TNKS: variants seen among roughly 807,000 people sequenced by gnomAD.
TNKS encodes poly [ADP-ribose] polymerase tankyrase-1.
Under a neutral mutation model 135.8 loss-of-function variants are expected in TNKS, and 72 were observed. That is an observed-to-expected ratio of 0.53 (90% confidence interval 0.44 to 0.64). TNKS has a LOEUF of 0.64. Among genes scored for constraint, TNKS ranks in the 30% least tolerant of loss-of-function variants. TNKS has a pLI of 0.00. For synonymous variants in TNKS, 849 were observed against 649.3 expected (o/e 1.31, Z -4.68); for missense variants, 1,769 against 1,674.0 (o/e 1.06, Z -0.99).
At chr8:9,616,840 T>C (rs1315536987) in intron 3 of TNKS, among the ~76,000 whole-genome samples, 11 of 151,820 alleles carry the variant, frequency 7.2e-5, no homozygotes, top group African/African-American at 2.7e-4. Context: ...AAATATATAA[T>C]TTTAAGTAGT....
intron 2 of TNKS, among the ~76,000 whole-genome samples, chr8:9,609,008 A>T (rs1799341518): frequency 6.6e-6 from 1 of 151,886 alleles, no homozygotes; most frequent in East Asian, 1.9e-4. Context: ...TTTATTTAAA[A>T]TTTTTTCGTT....
At position 9,555,972 on chromosome 8, in the gene TNKS, C is replaced by A; in HGVS notation, c.33C>A (p.His11Gln). 6.2e-7 allele frequency: 1 copy of A among 1,613,484 alleles called. No individual in the cohort carries two copies. Residue 11 changes from histidine to glutamine, a missense_variant, in exon 1 of 27, where the codon CAC becomes CAA. By Grantham distance (24) the His-to-Gln change is conservative. Around this residue, in one of 5 missense-constraint regions of TNKS, gnomAD observed 450 missense variants for 304.9 expected, o/e 1.48. Coordinates refer to ENST00000310430, the MANE Select transcript of TNKS (RefSeq NM_003747.3). ...CGTCGCGTCGCTCTCAGCATCATCA[C>A]CACCATCATCAACAACAGCTCCAGC... is the stretch of plus-strand genomic sequence containing the variant. The part of the protein sequence containing the change: MAASRRSQHH[H>Q]HHHQQQLQPA...
chr8:9,604,546 A>C (rs1279800437), intron 2 of TNKS, among the ~76,000 whole-genome samples: 1 of 151,956 alleles, frequency 6.6e-6, no homozygotes, highest in East Asian at 1.9e-4. Flanking sequence ...TCTTCAGTGT[A>C]GTTTATGTAC....
chr8:9,623,127 A>G (rs1351968194), intron 3 of TNKS, among the ~76,000 whole-genome samples: 1 of 152,212 alleles, frequency 6.6e-6, no homozygotes, highest in Non-Finnish European at 1.5e-5. Flanking sequence ...ACCGGGGGTA[A>G]CTGAAACCAC....
intron 1 of TNKS, among the ~76,000 whole-genome samples, chr8:9,573,967 G>C (rs1459139454): frequency 6.6e-6 from 1 of 152,106 alleles, no homozygotes; most frequent in East Asian, 1.9e-4. Context: ...TTACAATGCT[G>C]AACATAAGTG....
intron 20 of TNKS, among the ~76,000 whole-genome samples, chr8:9,755,033 CAT>C (rs1806760681): frequency 6.6e-6 from 1 of 152,188 alleles, no homozygotes; most frequent in Admixed American, 6.5e-5. Flanking sequence ...ATTTCAAACA[CAT>C]CTTTGCTAAA....
intron 20 of TNKS, among the ~76,000 whole-genome samples, chr8:9,758,311 C>T (rs1171828509): frequency 6.6e-6 from 1 of 151,978 alleles, no homozygotes; most frequent in Non-Finnish European, 1.5e-5. Context: ...GAAAGTTGTC[C>T]CATTCCCTTT....
Position 9,728,926 on chromosome 8 carries a change from A to G in TNKS, c.2002-1964A>G, listed in dbSNP as rs573559694. Among the ~76,000 whole-genome samples the G allele has an allele frequency of 1.4e-4, 22 of 152,208 alleles. No individual in the cohort carries two copies. In the South Asian group the frequency reaches 1.7e-3, roughly 11 times the overall value. On this transcript the variant is annotated intron_variant, in intron 13 of 26. Coordinates refer to ENST00000310430, the MANE Select transcript of TNKS (RefSeq NM_003747.3). The stretch of plus-strand genomic sequence containing the variant: ...GTGTGAAAGCTTCTTGTCTTAGTCT[A>G]TTTGTGCTGCTATAAAAAAATACCA...
chr8:9,677,246 T>C (rs759627842), intron 3 of TNKS, among the ~76,000 whole-genome samples: 11 of 152,226 alleles, frequency 7.2e-5, no homozygotes, highest in Admixed American at 1.3e-4. Context: ...AGAAAGTCAT[T>C]TGTAATACCT....
chr8:9,727,260 C>G (rs975641597), intron 13 of TNKS, among the ~76,000 whole-genome samples: 2 of 152,102 alleles, frequency 1.3e-5, no homozygotes, highest in Non-Finnish European at 2.9e-5. Context: ...AAAATTTTAT[C>G]AGTCTGTATT....
intron 2 of TNKS, among the ~76,000 whole-genome samples, chr8:9,595,338 A>G (rs945429096): frequency 6.6e-6 from 1 of 152,104 alleles, no homozygotes; most frequent in South Asian, 2.1e-4. Flanking sequence ...ACAAAATTCC[A>G]TACTTGTATC....
At chr8:9,723,749 C>T (rs1023684498) in intron 12 of TNKS, among the ~76,000 whole-genome samples, 23 of 152,348 alleles carry the variant, frequency 1.5e-4, no homozygotes, top group African/African-American at 4.8e-4. Context: ...TCCGTAGTCA[C>T]ACGTGGCTAA....
At position 9,615,910 on chromosome 8, in the gene TNKS, T is replaced by G. The variant is rs1012759956; in HGVS notation, c.994+233T>G. ...AGAATGATAGCATTAAATCATAACA[T>G]CTTTCACTCGTATTTTAGTCATTTT... On this transcript the variant is annotated intron_variant, in intron 3 of 26. Coordinates refer to ENST00000310430, the MANE Select transcript of TNKS (RefSeq NM_003747.3). Among the ~76,000 whole-genome samples the G allele has an allele frequency of 5.1e-4, 77 of 152,322 alleles. 2 individuals carry two copies. The highest frequency in any genetic ancestry group is 4.7e-3 in the Admixed American group (72 of 15,290).
chr8:9,582,528 C>A (rs1383346516), intron 2 of TNKS, among the ~76,000 whole-genome samples: 1 of 152,208 alleles, frequency 6.6e-6, no homozygotes. Context: ...TTACCACCAG[C>A]TTACAGGAGA....
intron 3 of TNKS, among the ~76,000 whole-genome samples, chr8:9,638,868 C>G (rs1800619804): frequency 6.6e-6 from 1 of 152,102 alleles, no homozygotes; most frequent in African/African-American, 2.4e-5. Context: ...GAGTGTATAT[C>G]TATTTTTCAA....
At chr8:9,660,854 A>G (rs561755188) in intron 3 of TNKS, among the ~76,000 whole-genome samples, 1 of 152,248 alleles carries the variant, frequency 6.6e-6, no homozygotes, top group East Asian at 1.9e-4. Context: ...TTTCAGCCCA[A>G]AATCTCCTTA....
chr8:9,631,681 T>A (rs999842313), intron 3 of TNKS, among the ~76,000 whole-genome samples: 2 of 152,180 alleles, frequency 1.3e-5, no homozygotes, highest in African/African-American at 4.8e-5. Flanking sequence ...TTCCAACTCT[T>A]TTTTTGACTT....
At chr8:9,764,833 T>G in intron 23 of TNKS, 43 bp downstream of exon 23, 1 of 1,512,902 alleles carries the variant, frequency 6.6e-7, no homozygotes, top group South Asian at 1.3e-5. Flanking sequence ...ATTGCAAGGC[T>G]TGCCTAAAAA....
intron 2 of TNKS, among the ~76,000 whole-genome samples, chr8:9,592,972 G>A (rs971724264): frequency 6.6e-6 from 1 of 152,120 alleles, no homozygotes; most frequent in Admixed American, 6.6e-5. Flanking sequence ...TCTTCATTAG[G>A]ATGGGCAGTT....
Sources: allele counts gnomAD v4.1 joint callset (sites outside exome capture counted in the v4.1 genomes callset), GRCh38; gene constraint gnomAD v4.1.1; regional missense constraint gnomAD v4.1.1; transcripts MANE v1.5; gene names NCBI Gene and HGNC (gene_info 2026-07-23, HGNC 2026-07-21).